The following BAZ1A variants were observed in gnomAD, a reference collection of about 807,000 sequenced individuals.
The protein encoded by BAZ1A is bromodomain adjacent to zinc finger domain 1A.
In BAZ1A, 50 loss-of-function variants were observed where a neutral mutation model predicts 185.2. That is an observed-to-expected ratio of 0.27 (90% CI 0.22 to 0.34). The LOEUF is 0.34. BAZ1A is among the 10% of genes least tolerant of loss of function. The pLI is 1.00. For synonymous variants in BAZ1A, 571 were observed against 615.6 expected (o/e 0.93, Z 1.07); for missense variants, 1,356 against 1,839.9 (o/e 0.74, Z 4.81).
chr14:34,773,488 T>A, intron 20 of BAZ1A, 84 bp downstream of exon 20: 1 of 1,179,342 alleles, frequency 8.5e-7, no homozygotes. Flanking sequence ...AAAAGCAACA[T>A]ATTTACTTAA....
rs57379319 is a variant in BAZ1A at position 34,832,191 on chromosome 14, TACACACAC to T, written c.393-6043_393-6036del. Among the ~76,000 whole-genome samples the T allele has an allele frequency of 1.6e-4, 15 of 96,584 alleles. 1 individual carries two copies. In the South Asian group the frequency reaches 2.0e-3, roughly 13 times the overall value. 63.4% of individuals were successfully genotyped at this position (96,584 alleles called of 152,430 possible). A position where few individuals can be genotyped will look rare whatever the true frequency, so the allele number is the denominator to read the frequency against. On this transcript the variant is annotated intron_variant, in intron 3 of 26. Coordinates refer to ENST00000360310, the MANE Select transcript of BAZ1A (RefSeq NM_013448.3). The stretch of plus-strand genomic sequence containing the variant: ...GTGTGTATATATACATATATACATA[TACACACAC>T]ACACACACACACACACATATATATA...
In BAZ1A at chr14:34,794,765, A is replaced by C. The variant is rs1329412825; in HGVS notation, c.1347T>G (p.Pro449=). ...GELFDLQDEF[P]DGVTLEVLEE... ...AGCACTTGCCTAGGGTTACTCCATC[A>C]GGAAACTCATCTTGAAGATCAAAAA... The change falls in exon 11 of 27, where the codon CCT becomes CCG. Residue 449 remains proline, a synonymous_variant. Coordinates refer to ENST00000360310, the MANE Select transcript of BAZ1A (RefSeq NM_013448.3). 1.2e-6 allele frequency: 2 copies of C among 1,613,974 alleles called. No individual in the cohort carries two copies. The highest frequency in any genetic ancestry group is 1.1e-5 in the South Asian group (1 of 91,054).
chr14:34,780,355 T>G, intron 16 of BAZ1A, 45 bp from the exon 17 acceptor site: 10 of 1,553,680 alleles, frequency 6.4e-6, no homozygotes, highest in Non-Finnish European at 8.7e-6. Flanking sequence ...GAATATATAA[T>G]TCCATTTATG....
At chr14:34,859,318 C>T (rs938286715) in intron 3 of BAZ1A, among the ~76,000 whole-genome samples, 24 of 151,810 alleles carry the variant, frequency 1.6e-4, no homozygotes, top group African/African-American at 4.8e-4. Context: ...CCTATAGTCC[C>T]AGCTACTCAG....
At chr14:34,801,286 C>T in intron 7 of BAZ1A, 93 bp from the exon 8 acceptor site, 1 of 861,274 alleles carries the variant, frequency 1.2e-6, no homozygotes, top group South Asian at 1.6e-5. Context: ...TTTCTTTATA[C>T]TAAAATGATT....
chr14:34,765,688 C>T (rs12433706), intron 21 of BAZ1A, among the ~76,000 whole-genome samples: 45,082 of 152,006 alleles, frequency 0.3, 7,298 homozygotes, highest in Non-Finnish European at 0.38. Flanking sequence ...AAATTATCTT[C>T]TAAGAAAATA....
At chr14:34,770,081 T>C (rs1247486455) in intron 21 of BAZ1A, among the ~76,000 whole-genome samples, 2 of 152,254 alleles carry the variant, frequency 1.3e-5, no homozygotes, top group Non-Finnish European at 2.9e-5. Context: ...AGTTTACCAG[T>C]ATATTCACAT....
intron 4 of BAZ1A, among the ~76,000 whole-genome samples, chr14:34,819,919 G>A (rs1222371994): frequency 6.6e-6 from 1 of 152,082 alleles, no homozygotes; most frequent in Non-Finnish European, 1.5e-5. Flanking sequence ...TGCTCCACAT[G>A]CTCACTAGCA....
At chr14:34,786,776 T>A (rs550817148) in intron 12 of BAZ1A, among the ~76,000 whole-genome samples, 24 of 151,760 alleles carry the variant, frequency 1.6e-4, no homozygotes, top group African/African-American at 5.6e-4. Flanking sequence ...CCCGGCTAAT[T>A]TTTGTATTTT....
At chr14:34,839,902 A>G (rs2042388499) in intron 3 of BAZ1A, among the ~76,000 whole-genome samples, 1 of 114,916 alleles carries the variant, frequency 8.7e-6, no homozygotes. Context: ...TTTTTAAAAA[A>G]GAAAAGAACA....
chr14:34,798,166 T>G (rs1039192407), intron 9 of BAZ1A, among the ~76,000 whole-genome samples: 14 of 152,230 alleles, frequency 9.2e-5, no homozygotes, highest in African/African-American at 3.4e-4. Flanking sequence ...TTGCTGAGGC[T>G]TGAGTAGGTA....
intron 24 of BAZ1A, among the ~76,000 whole-genome samples, chr14:34,760,967 A>T (rs1201726231): frequency 2.0e-5 from 3 of 152,030 alleles, no homozygotes; most frequent in African/African-American, 7.2e-5. Context: ...GATTACTATA[A>T]ACAAAAATGA....
intron 12 of BAZ1A, among the ~76,000 whole-genome samples, chr14:34,790,114 G>C (rs911226897): frequency 6.6e-6 from 1 of 151,732 alleles, no homozygotes; most frequent in Non-Finnish European, 1.5e-5. Context: ...TGAGAAAAGA[G>C]TGAAAAATGC....
In BAZ1A at chr14:34,803,380, GA is replaced by G. The variant is rs11448366; in HGVS notation, c.727-393del. Among the ~76,000 whole-genome samples the G allele has an allele frequency of 7.7e-3, 883 of 114,838 alleles. 7 individuals carry two copies. Among genetic ancestry groups the G allele is most frequent in the African/African-American group, 0.026 (775 of 29,830 alleles). The allele number at this position is 114,838 out of a possible 152,430, so 75.3% of individuals were successfully genotyped here. Reference sequence around the variant, plus strand: ...GTGACAGAGTAAGACTCCATCTCAGGAAAAAAAAAAAAAAAAAAGATAAGGA... The same window carrying G: ...GTGACAGAGTAAGACTCCATCTCAGGAAAAAAAAAAAAAAAAAGATAAGGA... On this transcript the variant is annotated intron_variant, in intron 6 of 26. Coordinates refer to ENST00000360310, the MANE Select transcript of BAZ1A (RefSeq NM_013448.3).
At chr14:34,753,755 A>T (rs1311280684) in intron 26 of BAZ1A, 51 bp from the exon 27 acceptor site, 2 of 1,341,016 alleles carry the variant, frequency 1.5e-6, no homozygotes, top group Non-Finnish European at 2.0e-6. Flanking sequence ...ATAAATTATA[A>T]TAAATATAAT....
At position 34,758,908 on chromosome 14, in the gene BAZ1A, C is replaced by A; in HGVS notation, c.4244-62G>T. The A allele has an allele frequency of 2.0e-6, 3 of 1,515,192 alleles. No individual in the cohort carries two copies. The East Asian group carries it at 6.8e-5, about 34-fold the overall frequency. 93.9% of individuals were successfully genotyped at this position (1,515,192 alleles called of 1,614,324 possible). A position where few individuals can be genotyped will look rare whatever the true frequency, so the allele number is the denominator to read the frequency against. Reference sequence around the variant, plus strand: ...AGCAAAATATTGGTTCACTACACGCCAAACTGGATATATAAATACCAAATT... The same window carrying A: ...AGCAAAATATTGGTTCACTACACGCAAAACTGGATATATAAATACCAAATT... On this transcript the variant is annotated intron_variant, in intron 24 of 26. Coordinates refer to ENST00000360310, the MANE Select transcript of BAZ1A (RefSeq NM_013448.3).
At chr14:34,784,367 C>CA (rs368815964) in intron 14 of BAZ1A, among the ~76,000 whole-genome samples, 2,090 of 77,060 alleles carry the variant, frequency 0.027, 436 homozygotes, top group African/African-American at 0.11. Context: ...GACTCTGTCT[C>CA]AAAAAAAAAA....
chr14:34,807,672 C>T, intron 5 of BAZ1A, 134 bp from the exon 6 acceptor site: 1 of 553,134 alleles, frequency 1.8e-6, no homozygotes, highest in Non-Finnish European at 3.2e-6. Flanking sequence ...CATCTTCTAA[C>T]AGTATTTATG....
chr14:34,779,104 C>T (rs1027059267), intron 17 of BAZ1A, among the ~76,000 whole-genome samples: 1 of 152,096 alleles, frequency 6.6e-6, no homozygotes. Flanking sequence ...CCTACCTTGG[C>T]CTCTCAGAGT....
Sources: gnomAD v4.1 joint callset for allele counts (sites outside exome capture counted in the v4.1 genomes callset) on GRCh38, gnomAD v4.1.1 for gene constraint, MANE v1.5 for transcripts, NCBI Gene and HGNC (gene_info 2026-07-23, HGNC 2026-07-21) for gene names.